Variants in FBXW11 observed in about 807,000 individuals in gnomAD.
FBXW11 encodes the protein F-box/WD repeat-containing protein 11.
In FBXW11, 19 loss-of-function variants were observed where a neutral mutation model predicts 77.6. The ratio of observed to expected loss-of-function variants is 0.24; its 90% CI spans 0.17 to 0.36. FBXW11 has a LOEUF of 0.36. Ranked by LOEUF, FBXW11 falls within the 10% of genes least tolerant of loss-of-function variation. The probability of loss-of-function intolerance (pLI) is 1.00; values close to 1 mark genes in which losing one functional copy is unlikely to be tolerated. For synonymous variants in FBXW11, 235 were observed against 249.4 expected, an observed-to-expected ratio of 0.94 and a Z score of 0.54; for missense variants, 334 against 704.2, an observed-to-expected ratio of 0.47 and a Z score of 5.95.
chr5:171,940,840 T>C (rs1386478649), intron 2 of FBXW11, among the ~76,000 whole-genome samples: 3 of 150,700 alleles, frequency 2.0e-5, no homozygotes, highest in Non-Finnish European at 4.4e-5. Context: ...TGAGCCGAGA[T>C]TGCACCACTG....
intron 4 of FBXW11, among the ~76,000 whole-genome samples, chr5:171,902,742 C>A (rs769512327): frequency 6.6e-6 from 1 of 152,204 alleles, no homozygotes; most frequent in African/African-American, 2.4e-5. Flanking sequence ...CAATGTTCTA[C>A]AATTTGAAAA....
At chr5:172,000,611 CTTG>C (rs1369100290) in intron 1 of FBXW11, among the ~76,000 whole-genome samples, 6 of 152,312 alleles carry the variant, frequency 3.9e-5, no homozygotes, top group African/African-American at 7.2e-5. Flanking sequence ...CACCATCGGT[CTTG>C]ACTTCGCTTT....
Position 171,891,893 on chromosome 5 carries a change from C to T in FBXW11, c.715-289G>A, listed in dbSNP as rs768370067. ...AGAATTCAGTATGTTTAAAGAACGC[C>T]GTTTGCACCCAAAACATGCAAATAA... On this transcript the variant is annotated intron_variant, in intron 6 of 13. Transcript: ENST00000517395. Among the ~76,000 whole-genome samples, 4 of 152,180 alleles carry T rather than the reference C, an allele frequency of 2.6e-5. No individual in the cohort carries two copies. In the South Asian group the frequency reaches 8.3e-4, roughly 32 times the overall value.
intron 1 of FBXW11, among the ~76,000 whole-genome samples, chr5:171,991,696 TTCTCAAAAACACA>T (rs1329419491): frequency 6.6e-6 from 1 of 152,218 alleles, no homozygotes; most frequent in Non-Finnish European, 1.5e-5. Context: ...ATAAGATACG[TTCTCAAAAACACA>T]TTTCAAAAAT....
rs200135920 is a variant in FBXW11, at chr5:171,955,386, C to G, written c.147+2211G>C. On this transcript the variant is annotated intron_variant, in intron 2 of 13. Coordinates refer to ENST00000517395, the MANE Select transcript of FBXW11 (RefSeq NM_001378974.1). ...CTAACTATTCCTTCCCTTCTCAGGC[C>G]TGCTCTAATATGAGGTTGCTAAAAG... 2.4e-4 allele frequency among the ~76,000 whole-genome samples: 37 copies of G among 152,248 alleles called. No individual in the cohort carries two copies. The East Asian group carries it at 6.8e-3, about 28-fold the overall frequency.
chr5:171,908,705 T>C (rs1183139289), intron 4 of FBXW11: 1 of 152,180 alleles, frequency 6.6e-6, no homozygotes, highest in Non-Finnish European at 1.5e-5. Context: ...GAAGGTAAAC[T>C]TACACGTTTT....
intron 1 of FBXW11, among the ~76,000 whole-genome samples, chr5:171,998,796 C>CA (rs34476350): frequency 0.028 from 1,693 of 59,512 alleles, 25 homozygotes; most frequent in Non-Finnish European, 0.046. Flanking sequence ...GACTCCGTCT[C>CA]AAAAAAAAAA....
At chr5:171,910,478 C>A in intron 4 of FBXW11, 94 bp downstream of exon 4, 1 of 753,710 alleles carries the variant, frequency 1.3e-6, no homozygotes, top group Non-Finnish European at 2.2e-6. Context: ...CTGCCTCACA[C>A]AGTACTCATT....
chr5:171,936,276 T>C lies in FBXW11; in HGVS notation c.147+21321A>G, dbSNP rs532495532. The stretch of plus-strand genomic sequence containing the variant: ...GGGAAGGCAAGATGGGAGGATCCCA[T>C]GAGCCAAGGAGTTCAAGACCAGCTA... On this transcript the variant is annotated intron_variant, in intron 2 of 13. Transcript: ENST00000517395. 3.5e-4 allele frequency among the ~76,000 whole-genome samples: 53 copies of C among 152,040 alleles called. 1 individual carries two copies. Among genetic ancestry groups the C allele is most frequent in the African/African-American group, 1.2e-3 (51 of 41,470 alleles).
At chr5:171,907,969 T>G (rs1258512288) in intron 4 of FBXW11, among the ~76,000 whole-genome samples, 1 of 152,080 alleles carries the variant, frequency 6.6e-6, no homozygotes, top group Non-Finnish European at 1.5e-5. Flanking sequence ...CTAAAACGTT[T>G]GAGAAGCAAA....
chr5:171,946,427 A>C lies in FBXW11; in HGVS notation c.147+11170T>G, dbSNP rs149173986. Among the ~76,000 whole-genome samples, 430 of 152,314 alleles carry C rather than the reference A, an allele frequency of 2.8e-3. 5 individuals are homozygous for C. The East Asian group carries it at 0.03, about 11-fold the overall frequency. On this transcript the variant is annotated intron_variant, in intron 2 of 13. Transcript: ENST00000517395. ...TCTCTAATGACTTCCCATCTCATGC[A>C]GAATAAAAGCCAAAGTCTACGAAAC...
chr5:171,889,129 A>G (rs1444259576), intron 7 of FBXW11, among the ~76,000 whole-genome samples: 1 of 152,272 alleles, frequency 6.6e-6, no homozygotes, highest in African/African-American at 2.4e-5. Flanking sequence ...AATGAATGAA[A>G]GACGTAAATT....
At chr5:171,874,525 C>G (rs1354197854) in intron 9 of FBXW11, among the ~76,000 whole-genome samples, 1 of 152,060 alleles carries the variant, frequency 6.6e-6, no homozygotes, top group Non-Finnish European at 1.5e-5. Context: ...TTTAGCTTCC[C>G]AGCTATCCAA....
intron 7 of FBXW11, among the ~76,000 whole-genome samples, chr5:171,888,501 C>T (rs1226928393): frequency 6.6e-6 from 1 of 152,362 alleles, no homozygotes; most frequent in East Asian, 1.9e-4. Flanking sequence ...GCCATCCCCG[C>T]AACCCCTCTG....
chr5:172,006,466 C>T lies in FBXW11; in HGVS notation c.37G>A (p.Glu13Lys). Residue 13 changes from glutamate (E) to lysine (K), a missense_variant, in exon 1 of 14, where the codon GAG becomes AAG. Physicochemically the swap from Glu to Lys is moderately conservative, Grantham distance 56 (BLOSUM62 1). Around this residue, in one of 10 missense-constraint regions of FBXW11, gnomAD observed 80 missense variants for 105.1 expected, o/e 0.76. Transcript: ENST00000517395. ...PDSVIEDKTIELMCSVPRSLW... is the reference protein window; with the variant it reads ...PDSVIEDKTIKLMCSVPRSLW... ...CAGCGGGCCGCACTCACCATGAGCT[C>T]GATGGTCTTGTCCTCAATCACCGAG... The T allele has an allele frequency of 6.4e-7, 1 of 1,559,116 alleles. No homozygotes were observed. Among genetic ancestry groups the T allele is most frequent in the Non-Finnish European group, 8.7e-7 (1 of 1,155,106 alleles).
intron 1 of FBXW11, among the ~76,000 whole-genome samples, chr5:171,959,514 T>A (rs867521838): frequency 6.6e-6 from 1 of 151,724 alleles, no homozygotes; most frequent in Non-Finnish European, 1.5e-5. Flanking sequence ...AAGAAAAAAA[T>A]TTTTTTAATT....
intron 1 of FBXW11, chr5:171,977,705 A>G (rs751114819): frequency 7.2e-6 from 3 of 416,526 alleles, no homozygotes; most frequent in South Asian, 1.7e-5. Flanking sequence ...CATCTTAAGT[A>G]GAATGGCAGC....
In FBXW11 at chr5:171,996,780, T is replaced by C. The variant is rs2113590422; in HGVS notation, c.45+9678A>G. The stretch of plus-strand genomic sequence containing the variant: ...TGACACTACGCACAAACGTCTAATA[T>C]TTCTCCCTTTCCCTATTAATGGACA... On this transcript the variant is annotated intron_variant, in intron 1 of 13. Transcript: ENST00000517395. 12 of 745,542 alleles carry C rather than the reference T, an allele frequency of 1.6e-5. No homozygotes were observed. In the South Asian group the frequency reaches 2.0e-4, roughly 12 times the overall value. 46.2% of individuals were successfully genotyped at this position (745,542 alleles called of 1,614,324 possible).
intron 3 of FBXW11, among the ~76,000 whole-genome samples, chr5:171,913,834 C>CACACACAT (rs1554099780): frequency 1.2e-4 from 17 of 138,100 alleles, no homozygotes; most frequent in Middle Eastern, 3.5e-3. Flanking sequence ...CACACACACA[C>CACACACAT]ACACACACAC....
Sources: allele counts gnomAD v4.1 joint callset (sites outside exome capture counted in the v4.1 genomes callset), GRCh38; gene constraint gnomAD v4.1.1; regional missense constraint gnomAD v4.1.1; transcripts MANE v1.5; gene names NCBI Gene and HGNC (gene_info 2026-07-23, HGNC 2026-07-21).